The following APOB variants were observed in gnomAD, a reference collection of about 807,000 sequenced individuals.
APOB encodes apolipoprotein B.
APOB carries 153 observed loss-of-function variants against 314.1 expected under a neutral mutation model. The observed-to-expected ratio is 0.49, with a 90% CI of 0.43 to 0.56. The LOEUF (loss-of-function observed/expected upper bound fraction) is 0.56, where lower values mean the gene tolerates loss of function less well. Ranked by LOEUF, APOB falls within the 20% of genes least tolerant of loss-of-function variation. The pLI, the probability that APOB is intolerant of heterozygous loss-of-function variation, is 0.00. For synonymous variants in APOB, 2,087 were observed against 2,036.4 expected (o/e 1.02, Z -0.67); for missense variants, 5,430 against 5,350.7 (o/e 1.01, Z -0.46).
chr2:21,040,879 C>A, intron 4 of APOB, 59 bp downstream of exon 4: 1 of 1,598,872 alleles, frequency 6.3e-7, no homozygotes, highest in African/African-American at 1.3e-5. Context: ...TGCAAACACA[C>A]AAGTTCATAC....
rs977780413 is a variant in APOB at position 21,028,125 on chromosome 2, C to A, written c.1830-60G>T. ...CCATGTTATTATCCTTTGACTCTTGCACCCCAAGTAAATATGGATTTCCAA... is the reference window on the plus strand; with the variant it reads ...CCATGTTATTATCCTTTGACTCTTGAACCCCAAGTAAATATGGATTTCCAA... On this transcript the variant is annotated intron_variant, in intron 13 of 28. Coordinates refer to ENST00000233242, the MANE Select transcript of APOB (RefSeq NM_000384.3). The A allele has an allele frequency of 1.1e-5, 14 of 1,293,536 alleles. No homozygotes were observed. In the African/African-American group the frequency reaches 2.0e-4, roughly 19 times the overall value. The allele number at this position is 1,293,536 out of a possible 1,614,324, so 80.1% of individuals were successfully genotyped here.
chr2:21,015,651 A>G, intron 21 of APOB, 106 bp from the exon 22 acceptor site: 1 of 1,241,330 alleles, frequency 8.1e-7, no homozygotes, highest in Non-Finnish European at 1.2e-6. Flanking sequence ...AGATACAAGG[A>G]TGGTTCAGAG....
intron 12 of APOB, among the ~76,000 whole-genome samples, chr2:21,028,856 G>A (rs1410544636): frequency 6.6e-6 from 1 of 152,194 alleles, no homozygotes; most frequent in Non-Finnish European, 1.5e-5. Context: ...TTATTTTAAT[G>A]TGAGGATAAA....
Position 21,007,476 on chromosome 2 carries a change from G to A in APOB, c.9392C>T (p.Thr3131Ile). The A allele has an allele frequency of 6.2e-7, 1 of 1,614,072 alleles. No individual in the cohort carries two copies. Among genetic ancestry groups the A allele is most frequent in the Non-Finnish European group, 8.5e-7 (1 of 1,179,962 alleles). Residue 3131 changes from threonine (T) to isoleucine (I), a missense_variant, in exon 26 of 29, where the codon ACA becomes ATA. By Grantham distance (89) the Thr-to-Ile change is moderately conservative (BLOSUM62 -1). This residue lies in a region of APOB where 3,281 missense variants were observed against 3,171.0 expected (regional missense o/e 1.03). Coordinates refer to ENST00000233242, the MANE Select transcript of APOB (RefSeq NM_000384.3). Reference sequence around the variant, plus strand: ...GTAAGGTAGACGCATTTCAGGAATTGTTAAAGGAATGTTTAAGAAATCCAG... The same window carrying A: ...GTAAGGTAGACGCATTTCAGGAATTATTAAAGGAATGTTTAAGAAATCCAG... Reference protein sequence around the residue: ...ANLDFLNIPLTIPEMRLPYTI... With the variant: ...ANLDFLNIPLIIPEMRLPYTI...
chr2:21,015,146 G>A lies in APOB; in HGVS notation c.3623C>T (p.Ala1208Val). ...SDYPKSLHMY[A>V]NRLLDHRVPQ... is the part of the protein sequence containing the mutation. Reference sequence around the variant, plus strand: ...GACTCTGTGATCCAGGAGTCTATTAGCATACATATGCAAGCTCTTAGGATA... The same window carrying A: ...GACTCTGTGATCCAGGAGTCTATTAACATACATATGCAAGCTCTTAGGATA... Residue 1208 changes from alanine to valine, a missense_variant, in exon 23 of 29, where the codon GCT becomes GTT. This residue lies in a region of APOB where 2,085 missense variants were observed against 2,079.7 expected (regional missense o/e 1.00). Transcript: ENST00000233242. 6.2e-7 allele frequency: 1 copy of A among 1,614,186 alleles called. No individual in the cohort carries two copies. The highest frequency in any genetic ancestry group is 8.5e-7 in the Non-Finnish European group (1 of 1,180,026).
intron 24 of APOB, among the ~76,000 whole-genome samples, chr2:21,014,036 A>G (rs1162818253): frequency 6.6e-6 from 1 of 152,224 alleles, no homozygotes; most frequent in Non-Finnish European, 1.5e-5. Flanking sequence ...TATGGAAGTC[A>G]GTAAGCCTGG....
chr2:21,013,649 C>G (rs1054953860), intron 24 of APOB, 116 bp from the exon 25 acceptor site: 11 of 1,455,370 alleles, frequency 7.6e-6, no homozygotes, highest in Non-Finnish European at 1.1e-5. Context: ...CCACTCTGCA[C>G]TTTTCTTTGT....
intron 10 of APOB, among the ~76,000 whole-genome samples, chr2:21,032,073 A>G (rs1572798250): frequency 6.6e-6 from 1 of 152,226 alleles, no homozygotes; most frequent in East Asian, 1.9e-4. Flanking sequence ...AAATAGTAGG[A>G]GATAGCTGGT....
Position 21,009,096 on chromosome 2 carries a change from T to C in APOB, c.7772A>G (p.Lys2591Arg), listed in dbSNP as rs1233856948. 6.2e-7 allele frequency: 1 copy of C among 1,613,962 alleles called. No individual in the cohort carries two copies. The highest frequency in any genetic ancestry group is 1.3e-5 in the African/African-American group (1 of 74,924). Reference protein sequence around the residue: ...VEQGFTVPEIKTILGTMPAFE... With the variant: ...VEQGFTVPEIRTILGTMPAFE... ...GGCAGGCATGGTCCCAAGGATGGTC[T>C]TGATTTCAGGAACAGTGAACCCTTG... Residue 2591 changes from lysine to arginine, a missense_variant, in exon 26 of 29, where the codon AAG becomes AGG. By Grantham distance (26) the Lys-to-Arg change is conservative. Around this residue, in one of 3 missense-constraint regions of APOB, gnomAD observed 3,281 missense variants for 3,171.0 expected, o/e 1.03. Coordinates refer to ENST00000233242, the MANE Select transcript of APOB (RefSeq NM_000384.3).
At position 21,008,099 on chromosome 2, in the gene APOB, A is replaced by C; in HGVS notation, c.8769T>G (p.Ser2923=). Residue 2923 remains serine (S), a synonymous_variant, in exon 26 of 29, where the codon TCT becomes TCG. Transcript: ENST00000233242. ...CCCATTTCCATGACCCTTTTCCAGA[A>C]GAAGTCCATGCTATGTGGCCAGCTT... The part of the protein sequence containing the change: ...LLKAGHIAWT[S]SGKGSWKWAC... 1 of 1,614,106 alleles carries C rather than the reference A, an allele frequency of 6.2e-7. No individual in the cohort carries two copies. Among genetic ancestry groups the C allele is most frequent in the South Asian group, 1.1e-5 (1 of 91,060 alleles).
chr2:21,001,635 G>C lies in APOB; in HGVS notation c.*95C>G. ...CTGCCTACTGCAAGGCTGGCTCACT[G>C]TATGGTTTTATCAATATAGGCAGTT... On this transcript the variant is annotated 3_prime_UTR_variant, in exon 29 of 29. Transcript: ENST00000233242. 7.8e-7 allele frequency: 1 copy of C among 1,285,716 alleles called. No individual in the cohort carries two copies. Among genetic ancestry groups the C allele is most frequent in the East Asian group, 2.4e-5 (1 of 41,876 alleles). 79.6% of individuals were successfully genotyped at this position (1,285,716 alleles called of 1,614,324 possible).
At position 21,012,114 on chromosome 2, in the gene APOB, T is replaced by A. The variant is rs549983245; in HGVS notation, c.4754A>T (p.Asn1585Ile). 8.0e-5 allele frequency: 129 copies of A among 1,610,264 alleles called. No individual in the cohort carries two copies. In the South Asian group the frequency reaches 1.4e-3, roughly 17 times the overall value. ...CTTAGAGAAGGTCATATCCATCTTG[T>A]TAGAAGTGGCAAAGTTCTTATACTT... ...NGKYKNFATSNKMDMTFSKQN... is the reference protein window; with the variant it reads ...NGKYKNFATSIKMDMTFSKQN... Residue 1585 changes from asparagine to isoleucine, a missense_variant, in exon 26 of 29, where the codon AAC becomes ATC. Asn to Ile is a moderately radical substitution (Grantham distance 149, BLOSUM62 -3). Transcript: ENST00000233242.
At chr2:21,033,603 T>C in intron 8 of APOB, 85 bp from the exon 9 acceptor site, 2 of 1,154,342 alleles carry the variant, frequency 1.7e-6, no homozygotes, top group Non-Finnish European at 2.6e-6. Flanking sequence ...AATTGTGGAG[T>C]ATCAGCACAG....
In APOB at chr2:21,001,690, A is replaced by T; in HGVS notation, c.*40T>A. On this transcript the variant is annotated 3_prime_UTR_variant, in exon 29 of 29. Transcript: ENST00000233242. Reference sequence around the variant, plus strand: ...TTTTTTCTGTGCTATGTGAAAGTTCAATTGGAAAAGAAGAATAAATGAAGA... The same window carrying T: ...TTTTTTCTGTGCTATGTGAAAGTTCTATTGGAAAAGAAGAATAAATGAAGA... The T allele has an allele frequency of 6.2e-7, 1 of 1,603,392 alleles. No homozygotes were observed. Among genetic ancestry groups the T allele is most frequent in the Non-Finnish European group, 8.5e-7 (1 of 1,171,440 alleles).
Position 21,008,987 on chromosome 2 carries a change from T to C in APOB, c.7881A>G (p.Pro2627=), listed in dbSNP as rs762134054. The part of the protein sequence containing the change: ...FIVPLTDLRI[P]SVQINFKDLK... Reference sequence around the variant, plus strand: ...AGTCTTTGAAGTTTATCTGAACTGATGGAATCCTCAAATCTGTTAGGGGGA... The same window carrying C: ...AGTCTTTGAAGTTTATCTGAACTGACGGAATCCTCAAATCTGTTAGGGGGA... The change falls in exon 26 of 29, where the codon CCA becomes CCG. Residue 2627 remains proline (P), a synonymous_variant. Transcript: ENST00000233242. 8.1e-6 allele frequency: 13 copies of C among 1,614,096 alleles called. No homozygotes were observed. The highest frequency in any genetic ancestry group is 1.1e-5 in the South Asian group (1 of 91,080).
chr2:21,009,105 G>T lies in APOB; in HGVS notation c.7763C>A (p.Pro2588His), dbSNP rs781471544. 6.2e-7 allele frequency: 1 copy of T among 1,614,048 alleles called. No homozygotes were observed. Among genetic ancestry groups the T allele is most frequent in the Non-Finnish European group, 8.5e-7 (1 of 1,179,950 alleles). The change falls in exon 26 of 29, where the codon CCT becomes CAT. Residue 2588 changes from proline (P) to histidine (H), a missense_variant. Pro to His is a moderately conservative substitution (Grantham distance 77, BLOSUM62 -2). Transcript: ENST00000233242. ...GGTCCCAAGGATGGTCTTGATTTCA[G>T]GAACAGTGAACCCTTGCTCTACCAA... ...KALVEQGFTV[P>H]EIKTILGTMP...
intron 21 of APOB, 45 bp downstream of exon 21, chr2:21,016,394 A>G (rs1663463885): frequency 2.0e-6 from 2 of 1,024,990 alleles, no homozygotes; most frequent in Non-Finnish European, 3.1e-6. Flanking sequence ...GAAAAGAACC[A>G]CCCAGGCCTG....
At chr2:21,013,094 G>A in intron 25 of APOB, 66 bp downstream of exon 25, 2 of 1,605,892 alleles carry the variant, frequency 1.2e-6, no homozygotes, top group Non-Finnish European at 1.7e-6. Flanking sequence ...CCTCCCTGGA[G>A]GAGGCTCTCC....
Position 21,006,312 on chromosome 2 carries a change from G to T in APOB, c.10556C>A (p.Thr3519Asn). ...YSGTIASEAN[T>N]YLNSKSTRSS... ...CCGTGTGCTCTTGGAATTCAAGTAA[G>T]TGTTGGCCTCACTAGCAATAGTTCC... Residue 3519 changes from threonine to asparagine, a missense_variant, in exon 26 of 29, where the codon ACT (threonine) becomes AAT (asparagine). Thr to Asn is a moderately conservative substitution (Grantham distance 65, BLOSUM62 0). This residue lies in a region of APOB where 3,281 missense variants were observed against 3,171.0 expected (regional missense o/e 1.03). Transcript: ENST00000233242. 1.2e-6 allele frequency: 2 copies of T among 1,614,056 alleles called. No homozygotes were observed. The highest frequency in any genetic ancestry group is 2.2e-5 in the East Asian group (1 of 44,880).
Sources: allele counts gnomAD v4.1 joint callset (sites outside exome capture counted in the v4.1 genomes callset), GRCh38; gene constraint gnomAD v4.1.1; regional missense constraint gnomAD v4.1.1; transcripts MANE v1.5; gene names NCBI Gene and HGNC (gene_info 2026-07-23, HGNC 2026-07-21).